The following MCTP2 variants were observed in gnomAD, a reference collection of about 807,000 sequenced individuals.
The protein encoded by MCTP2 is multiple C2 and transmembrane domain containing 2.
MCTP2 carries 132 observed loss-of-function variants against 111.6 expected under a neutral mutation model. The ratio of observed to expected loss-of-function variants is 1.18; its 90% CI spans 1.03 to 1.37. The LOEUF (loss-of-function observed/expected upper bound fraction) is 1.37. Ranked by LOEUF, MCTP2 falls within the 40% of genes most tolerant of loss-of-function variation. The pLI is 0.00. For missense variants in MCTP2, 1,183 were observed against 1,067.9 expected (o/e 1.11, Z -1.50); for synonymous variants, 395 against 387.7 (o/e 1.02, Z -0.22).
chr15:94,419,247 TTAAC>T (rs2082513586), intron 17 of MCTP2, among the ~76,000 whole-genome samples: 2 of 152,160 alleles, frequency 1.3e-5, no homozygotes, highest in Non-Finnish European at 2.9e-5. Flanking sequence ...ATTCCCCTAA[TTAAC>T]TGACCAGGTC....
intron 4 of MCTP2, among the ~76,000 whole-genome samples, chr15:94,320,019 C>T (rs2076553586): frequency 1.3e-5 from 2 of 152,184 alleles, no homozygotes; most frequent in African/African-American, 2.4e-5. Flanking sequence ...AGCTCTGTCT[C>T]ACCTCAATCT....
At chr15:94,256,486 G>A (rs1267380250) in intron 1 of MCTP2, among the ~76,000 whole-genome samples, 2 of 152,148 alleles carry the variant, frequency 1.3e-5, no homozygotes, top group African/African-American at 4.8e-5. Flanking sequence ...TCCTTAAGCT[G>A]TTCTCCTACA....
chr15:94,281,563 G>A (rs2074488656), intron 1 of MCTP2, among the ~76,000 whole-genome samples: 1 of 152,028 alleles, frequency 6.6e-6, no homozygotes, highest in African/African-American at 2.4e-5. Flanking sequence ...TACATTCAAG[G>A]TTAATATTGA....
intron 1 of MCTP2, among the ~76,000 whole-genome samples, chr15:94,243,149 A>ACG (rs2071178155): frequency 9.2e-6 from 1 of 108,408 alleles, no homozygotes; most frequent in Admixed American, 8.4e-5. Context: ...ATATATTTAT[A>ACG]TACGTGTGTG....
chr15:94,472,113 C>T (rs556885886), intron 21 of MCTP2, among the ~76,000 whole-genome samples: 1 of 152,218 alleles, frequency 6.6e-6, no homozygotes, highest in African/African-American at 2.4e-5. Context: ...TGCAGTGGCT[C>T]ACGCCTGTAA....
At chr15:94,328,783 G>A (rs987301273) in intron 4 of MCTP2, among the ~76,000 whole-genome samples, 7 of 152,216 alleles carry the variant, frequency 4.6e-5, no homozygotes, top group African/African-American at 1.4e-4. Flanking sequence ...GCCCAATGGA[G>A]TTGGCCTGTT....
Position 94,481,414 on chromosome 15 carries a change from C to T in MCTP2, c.*2380C>T, listed in dbSNP as rs540311735. The T allele has an allele frequency of 6.6e-6, 1 of 152,366 alleles. No homozygotes were observed. The highest frequency in any genetic ancestry group is 2.4e-5 in the African/African-American group (1 of 41,554). The allele number at this position is 152,366 out of a possible 1,614,324, so 9.4% of individuals were successfully genotyped here. On this transcript the variant is annotated 3_prime_UTR_variant, in exon 23 of 23. Transcript: ENST00000357742. ...GTGCTGTTGTCCTCGTCTCCCAACC[C>T]CTAAAGCCTAGTAGGTCCAGTGTCA... is the stretch of plus-strand genomic sequence containing the variant.
intron 20 of MCTP2, among the ~76,000 whole-genome samples, chr15:94,469,386 G>C (rs1420143010): frequency 6.6e-6 from 1 of 152,176 alleles, no homozygotes; most frequent in African/African-American, 2.4e-5. Flanking sequence ...TACAACAAAA[G>C]GAGCCAGGAG....
chr15:94,249,551 T>G (rs2072257921), intron 1 of MCTP2, among the ~76,000 whole-genome samples: 1 of 151,706 alleles, frequency 6.6e-6, no homozygotes, highest in African/African-American at 2.4e-5. Context: ...AGTGGCGCGA[T>G]CTCAGCTCAC....
chr15:94,450,676 G>A (rs2152519972), intron 19 of MCTP2, among the ~76,000 whole-genome samples: 2 of 152,240 alleles, frequency 1.3e-5, no homozygotes, highest in East Asian at 3.9e-4. Flanking sequence ...TAGTCTAGAT[G>A]ATTGAAATTA....
At chr15:94,377,973 A>T (rs2079871822) in intron 12 of MCTP2, among the ~76,000 whole-genome samples, 1 of 151,958 alleles carries the variant, frequency 6.6e-6, no homozygotes, top group Non-Finnish European at 1.5e-5. Flanking sequence ...AGCAAAAGAA[A>T]CCTCTCAGGG....
rs138794557 is a variant in MCTP2 at position 94,442,863 on chromosome 15, T to C, written c.2209-56T>C. Reference sequence around the variant, plus strand: ...AGCTTTAAAATGTGTCTGAGTTTAATTTGCATTTGTTAATTTCGGTTGATG... The same window carrying C: ...AGCTTTAAAATGTGTCTGAGTTTAACTTGCATTTGTTAATTTCGGTTGATG... On this transcript the variant is annotated intron_variant, in intron 18 of 22. Coordinates refer to ENST00000357742, the MANE Select transcript of MCTP2 (RefSeq NM_001385001.1). 3.4e-6 allele frequency: 5 copies of C among 1,466,652 alleles called. No homozygotes were observed. The African/African-American group carries it at 5.6e-5, about 16-fold the overall frequency. 90.9% of individuals were successfully genotyped at this position (1,466,652 alleles called of 1,614,324 possible).
intron 1 of MCTP2, among the ~76,000 whole-genome samples, chr15:94,286,906 T>C (rs1426951925): frequency 6.6e-6 from 1 of 152,188 alleles, no homozygotes; most frequent in African/African-American, 2.4e-5. Context: ...GATTACCAGG[T>C]AGGGTAGCAT....
At chr15:94,322,150 A>G (rs1416329448) in intron 4 of MCTP2, among the ~76,000 whole-genome samples, 5 of 152,208 alleles carry the variant, frequency 3.3e-5, no homozygotes. Flanking sequence ...CATGTATTTA[A>G]TTTTAAGTAA....
At chr15:94,350,888 T>C (rs2078266597) in intron 8 of MCTP2, among the ~76,000 whole-genome samples, 1 of 152,182 alleles carries the variant, frequency 6.6e-6, no homozygotes. Flanking sequence ...CTTCATTTTT[T>C]TTTTTAAATA....
chr15:94,366,272 A>T (rs768146474), intron 10 of MCTP2, among the ~76,000 whole-genome samples: 4 of 152,216 alleles, frequency 2.6e-5, no homozygotes. Flanking sequence ...GAAATATTTG[A>T]TGAATTTATT....
At chr15:94,384,177 G>T in intron 13 of MCTP2, 53 bp downstream of exon 13, 1 of 1,238,926 alleles carries the variant, frequency 8.1e-7, no homozygotes, top group Non-Finnish European at 1.2e-6. Flanking sequence ...AGGTAGTCTG[G>T]GGCTCTTGAG....
At chr15:94,353,022 G>T (rs2078393042) in intron 8 of MCTP2, among the ~76,000 whole-genome samples, 1 of 152,130 alleles carries the variant, frequency 6.6e-6, no homozygotes, top group Non-Finnish European at 1.5e-5. Context: ...AATATTTGGG[G>T]TATAATAAGT....
chr15:94,330,359 G>T (rs551929663), intron 4 of MCTP2, among the ~76,000 whole-genome samples: 2 of 152,248 alleles, frequency 1.3e-5, no homozygotes, highest in South Asian at 2.1e-4. Context: ...TTTTAATAAG[G>T]AGAATGCGAG....
Sources: allele counts gnomAD v4.1 joint callset (sites outside exome capture counted in the v4.1 genomes callset), GRCh38; gene constraint gnomAD v4.1.1; transcripts MANE v1.5; gene names NCBI Gene and HGNC (gene_info 2026-07-23, HGNC 2026-07-21).